Variants in EIF4G3 observed in about 807,000 individuals in gnomAD.
The protein encoded by EIF4G3 is eIF-4-gamma 3.
In EIF4G3, 34 loss-of-function variants were observed where a neutral mutation model predicts 186.4. That is an observed-to-expected ratio of 0.18 (90% CI 0.14 to 0.24). EIF4G3 has a LOEUF of 0.24. Among genes scored for constraint, EIF4G3 ranks in the 10% least tolerant of loss-of-function variants. EIF4G3 has a pLI of 1.00. For synonymous variants in EIF4G3, 673 were observed against 679.5 expected, an observed-to-expected ratio of 0.99 and a Z score of 0.15; for missense variants, 1,536 against 1,948.5, an observed-to-expected ratio of 0.79 and a Z score of 3.99.
intron 2 of EIF4G3, among the ~76,000 whole-genome samples, chr1:21,154,248 T>C (rs1006378673): frequency 3.9e-5 from 6 of 152,324 alleles, no homozygotes; most frequent in Admixed American, 3.3e-4. Flanking sequence ...ACTAATGTTA[T>C]ACATGCTCAG....
chr1:20,827,826 C>T, intron 31 of EIF4G3, 128 bp from the exon 32 acceptor site: 1 of 509,228 alleles, frequency 2.0e-6, no homozygotes, highest in Non-Finnish European at 3.6e-6. Context: ...AGCCAAAGCT[C>T]CAGGACATGC....
At chr1:20,903,148 C>A (rs1187706634) in intron 15 of EIF4G3, among the ~76,000 whole-genome samples, 1 of 152,172 alleles carries the variant, frequency 6.6e-6, no homozygotes, top group African/African-American at 2.4e-5. Flanking sequence ...AAAAATATTT[C>A]CTGGCATACA....
chr1:20,899,064 A>G (rs2089457072), intron 16 of EIF4G3, among the ~76,000 whole-genome samples: 1 of 152,218 alleles, frequency 6.6e-6, no homozygotes, highest in South Asian at 2.1e-4. Context: ...CTTTCCTTAC[A>G]GATCCATACC....
chr1:21,017,622 C>T lies in EIF4G3; in HGVS notation c.-66-14814G>A, dbSNP rs1248360667. ...CAGCCTGGATGACAGAGCAAGACTC[C>T]GTCTCAAAAAAAAAAAAAAAAAAAA... On this transcript the variant is annotated intron_variant, in intron 4 of 36. Coordinates refer to ENST00000602326, the MANE Select transcript of EIF4G3 (RefSeq NM_001391906.1). Among the ~76,000 whole-genome samples the T allele has an allele frequency of 2.3e-4, 27 of 115,452 alleles. No homozygotes were observed. In the East Asian group the frequency reaches 5.9e-3, roughly 25 times the overall value. The allele number at this position is 115,452 out of a possible 152,430, so 75.7% of individuals were successfully genotyped here. A position where few individuals can be genotyped will look rare whatever the true frequency, so the allele number is the denominator to read the frequency against.
intron 4 of EIF4G3, among the ~76,000 whole-genome samples, chr1:21,023,282 G>A (rs890182265): frequency 8.7e-5 from 5 of 57,322 alleles, no homozygotes; most frequent in South Asian, 1.4e-3. Context: ...CTCTCCCCAC[G>A]GTCTCCCTCT....
intron 2 of EIF4G3, among the ~76,000 whole-genome samples, chr1:21,151,780 T>TA (rs1291843081): frequency 6.6e-5 from 10 of 152,054 alleles, no homozygotes; most frequent in Admixed American, 2.0e-4. Flanking sequence ...AAAAATCTCT[T>TA]AGAATACTAA....
chr1:21,148,527 C>A (rs558888773), intron 2 of EIF4G3, among the ~76,000 whole-genome samples: 1 of 151,740 alleles, frequency 6.6e-6, no homozygotes, highest in Non-Finnish European at 1.5e-5. Flanking sequence ...ACGGTGAAAC[C>A]CCATCTCTAC....
chr1:21,018,616 C>G (rs1482169335), intron 4 of EIF4G3, among the ~76,000 whole-genome samples: 1 of 151,784 alleles, frequency 6.6e-6, no homozygotes, highest in African/African-American at 2.4e-5. Flanking sequence ...CCCTCCAAAT[C>G]TCATATTGAA....
intron 15 of EIF4G3, among the ~76,000 whole-genome samples, chr1:20,900,513 A>AT (rs1491221791): frequency 1.6e-5 from 1 of 62,018 alleles, no homozygotes; most frequent in Non-Finnish European, 4.3e-5. Context: ...TCTTGTATAT[A>AT]AAAAAAAAAA....
intron 4 of EIF4G3, among the ~76,000 whole-genome samples, chr1:21,019,376 A>G (rs763293559): frequency 3.9e-5 from 6 of 152,218 alleles, no homozygotes; most frequent in Non-Finnish European, 7.4e-5. Flanking sequence ...GACAAAGTAG[A>G]GCTGTTTAAA....
At chr1:21,038,159 T>C (rs1474961165) in intron 4 of EIF4G3, among the ~76,000 whole-genome samples, 1 of 152,242 alleles carries the variant, frequency 6.6e-6, no homozygotes, top group Admixed American at 6.5e-5. Flanking sequence ...TAGACTCACA[T>C]AATAGGATAG....
intron 4 of EIF4G3, among the ~76,000 whole-genome samples, chr1:21,020,566 C>G (rs1250777041): frequency 2.0e-5 from 3 of 152,102 alleles, no homozygotes; most frequent in Non-Finnish European, 4.4e-5. Context: ...GGTATGGGAC[C>G]ATGTATAGCC....
In EIF4G3 at chr1:21,159,535, G is replaced by A. The variant is rs180798802; in HGVS notation, c.-272+16640C>T. Among the ~76,000 whole-genome samples the A allele has an allele frequency of 1.7e-3, 252 of 149,318 alleles. 1 individual carries two copies. The highest frequency in any genetic ancestry group is 5.8e-3 in the African/African-American group (233 of 40,492). On this transcript the variant is annotated intron_variant, in intron 2 of 36. Transcript: ENST00000602326. ...GCTGATCACCTGAGGTCAGGAGTTC[G>A]AGACAAGACTGGCCAACATGGCGAA...
At position 21,166,198 on chromosome 1, in the gene EIF4G3, G is replaced by A. The variant is rs559903514; in HGVS notation, c.-272+9977C>T. ...TCCCGGCACTTTGGTAGGCCAAAGC[G>A]AGAGGATCCCTTGAGCCCAGGAGTT... On this transcript the variant is annotated intron_variant, in intron 2 of 36. Coordinates refer to ENST00000602326, the MANE Select transcript of EIF4G3 (RefSeq NM_001391906.1). Among the ~76,000 whole-genome samples the A allele has an allele frequency of 3.1e-4, 47 of 150,602 alleles. No homozygotes were observed. In the East Asian group the frequency reaches 4.3e-3, roughly 14 times the overall value.
intron 15 of EIF4G3, 101 bp from the exon 16 acceptor site, chr1:20,900,044 C>T: frequency 8.4e-7 from 1 of 1,194,414 alleles, no homozygotes; most frequent in South Asian, 1.5e-5. Context: ...GAAAACATGT[C>T]ATTCAAGGTA....
chr1:20,956,353 G>A (rs1253898387), intron 12 of EIF4G3, among the ~76,000 whole-genome samples: 1 of 152,120 alleles, frequency 6.6e-6, no homozygotes, highest in African/African-American at 2.4e-5. Context: ...TATGATTTAT[G>A]TTTTAAAAAG....
At chr1:21,141,379 G>GTGTGTGTGTGTGTGTGTGTA (rs2097334676) in intron 2 of EIF4G3, among the ~76,000 whole-genome samples, 1 of 148,284 alleles carries the variant, frequency 6.7e-6, no homozygotes, top group African/African-American at 2.5e-5. Flanking sequence ...TTTTTTCTTT[G>GTGTGTGTGTGTGTGTGTGTA]TGTGTGTGTG....
At chr1:20,911,521 A>G (rs548184791) in intron 14 of EIF4G3, among the ~76,000 whole-genome samples, 35 of 134,470 alleles carry the variant, frequency 2.6e-4, no homozygotes, top group Non-Finnish European at 4.7e-4. Context: ...TGACCGTGCC[A>G]CTGTACTCTA....
chr1:20,886,420 T>C, intron 18 of EIF4G3, 49 bp from the exon 19 acceptor site: 1 of 1,581,826 alleles, frequency 6.3e-7, no homozygotes, highest in Non-Finnish European at 8.6e-7. Context: ...ATTTATTGGC[T>C]TTGTTGTGCT....
Sources: allele counts gnomAD v4.1 joint callset (sites outside exome capture counted in the v4.1 genomes callset), GRCh38; gene constraint gnomAD v4.1.1; transcripts MANE v1.5; gene names NCBI Gene and HGNC (gene_info 2026-07-23, HGNC 2026-07-21).